KIF6: variants seen among roughly 807,000 people sequenced by gnomAD.
KIF6 encodes kinesin-like protein KIF6.
KIF6 carries 106 observed loss-of-function variants against 112.7 expected under a neutral mutation model. The ratio of observed to expected loss-of-function variants is 0.94; its 90% confidence interval spans 0.80 to 1.11. The LOEUF (loss-of-function observed/expected upper bound fraction) is 1.11. KIF6 is among the 50% of genes least tolerant of loss of function. The pLI is 0.00. For synonymous variants in KIF6, 339 were observed against 339.9 expected, an observed-to-expected ratio of 1.00 and a Z score of 0.03; for missense variants, 929 against 964.0, an observed-to-expected ratio of 0.96 and a Z score of 0.48.
Position 39,343,244 on chromosome 6 carries a change from C to T in KIF6, c.2428+465G>A. 1.6e-6 allele frequency: 2 copies of T among 1,265,302 alleles called. No individual in the cohort carries two copies. Among genetic ancestry groups the T allele is most frequent in the Non-Finnish European group, 2.0e-6 (2 of 978,760 alleles). The allele number at this position is 1,265,302 out of a possible 1,614,324, so 78.4% of individuals were successfully genotyped here. A position where few individuals can be genotyped will look rare whatever the true frequency, so the allele number is the denominator to read the frequency against. ...ACTTCCTCTGTGATTGTTATGGTGTCCTCGGGCCTGGGCCTTCAAGCAGTG... is the reference window on the plus strand; with the variant it reads ...ACTTCCTCTGTGATTGTTATGGTGTTCTCGGGCCTGGGCCTTCAAGCAGTG... On this transcript the variant is annotated intron_variant, in intron 22 of 22. Coordinates refer to ENST00000287152, the MANE Select transcript of KIF6 (RefSeq NM_145027.6). This position sits in a 1 kb window ranked among gnomAD's most constrained non-coding sequence, Gnocchi z 4.1.
At chr6:39,596,323 G>T (rs1582230280) in intron 6 of KIF6, 63 bp from the exon 7 acceptor site, 3 of 1,130,994 alleles carry the variant, frequency 2.7e-6, no homozygotes, top group Non-Finnish European at 4.0e-6. Flanking sequence ...AATATCAAAA[G>T]ATTTAAAATA....
chr6:39,689,212 A>T, intron 3 of KIF6, among the ~76,000 whole-genome samples: 1 of 152,344 alleles, frequency 6.6e-6, no homozygotes, highest in Middle Eastern at 3.4e-3. Context: ...TGATTTAAAA[A>T]TGCAAAATGC....
chr6:39,346,135 C>G (rs188515858), intron 20 of KIF6, among the ~76,000 whole-genome samples: 4,312 of 107,394 alleles, frequency 0.04, 92 homozygotes, highest in South Asian at 0.068. Flanking sequence ...CCCTCTCCCT[C>G]TCTCTCTCTC....
At chr6:39,545,739 A>C in intron 10 of KIF6, 51 bp from the exon 11 acceptor site, 1 of 1,129,462 alleles carries the variant, frequency 8.9e-7, no homozygotes. Flanking sequence ...AGCTTTAAAA[A>C]TTCTAATGGC....
intron 5 of KIF6, among the ~76,000 whole-genome samples, chr6:39,618,141 G>A (rs1783627413): frequency 6.6e-6 from 1 of 152,086 alleles, no homozygotes; most frequent in Admixed American, 6.6e-5. Flanking sequence ...TATGTTTCTT[G>A]GGAAAGATTC....
chr6:39,601,671 G>A (rs1231532211), intron 6 of KIF6, among the ~76,000 whole-genome samples: 4 of 151,096 alleles, frequency 2.6e-5, no homozygotes, highest in South Asian at 2.1e-4. Context: ...TTACTATACC[G>A]GATTTGCTCC....
intron 7 of KIF6, among the ~76,000 whole-genome samples, chr6:39,587,363 T>C (rs1006639389): frequency 6.6e-6 from 1 of 152,160 alleles, no homozygotes; most frequent in Non-Finnish European, 1.5e-5. Context: ...GTGATTTCCA[T>C]CACCAGAACC....
rs56952665 is a variant in KIF6 at position 39,523,645 on chromosome 6, CATATATATATATATATATATATAT to C, written c.1645+16334_1645+16357del. On this transcript the variant is annotated intron_variant, in intron 13 of 22. Transcript: ENST00000287152. ...TACTTCCCTCCCCTATTAATTCTGC[CATATATATATATATATATATATAT>C]ATATATATATATATATATATATATA... Among the ~76,000 whole-genome samples the C allele has an allele frequency of 8.3e-3, 270 of 32,528 alleles. 1 individual carries two copies. The highest frequency in any genetic ancestry group is 0.023 in the Middle Eastern group (1 of 44). 21.3% of individuals were successfully genotyped at this position (32,528 alleles called of 152,430 possible).
Position 39,596,156 on chromosome 6 carries a change from C to A in KIF6, c.744G>T (p.Leu248=). Residue 248 remains leucine, a synonymous_variant, in exon 7 of 23, where the codon CTG becomes CTT. Transcript: ENST00000287152. The part of the protein sequence containing the change: ...SATVRHAKLH[L]VDLAGSERVA... ...CTCGCTCTGAACCAGCCAGGTCAAC[C>A]AGATGGAGTTTGGCATGTCGTACAG... 1 of 1,614,032 alleles carries A rather than the reference C, an allele frequency of 6.2e-7. No individual in the cohort carries two copies. The highest frequency in any genetic ancestry group is 8.5e-7 in the Non-Finnish European group (1 of 1,179,984).
At chr6:39,679,974 T>C (rs1787416729) in intron 3 of KIF6, among the ~76,000 whole-genome samples, 1 of 151,428 alleles carries the variant, frequency 6.6e-6, no homozygotes, top group Non-Finnish European at 1.5e-5. Context: ...ATCTTAAAAG[T>C]TCTGGCATCT....
At chr6:39,704,985 T>C (rs1274910112) in intron 3 of KIF6, among the ~76,000 whole-genome samples, 1 of 152,262 alleles carries the variant, frequency 6.6e-6, no homozygotes, top group African/African-American at 2.4e-5. Flanking sequence ...GATAAGGTGC[T>C]TTAATTTATT....
chr6:39,369,310 AG>A (rs1308072963), intron 16 of KIF6, among the ~76,000 whole-genome samples: 1 of 152,086 alleles, frequency 6.6e-6, no homozygotes, highest in Non-Finnish European at 1.5e-5. Context: ...CCCAGATTTA[AG>A]GGTGTGCTGA....
rs182722901 is a variant in KIF6, at chr6:39,596,370, C to T, written c.640-110G>A. Reference sequence around the variant, plus strand: ...GATAAGACATTTCCCATGAAGCCAACTGTCAACTGGAGCAAAACCACTTGT... The same window carrying T: ...GATAAGACATTTCCCATGAAGCCAATTGTCAACTGGAGCAAAACCACTTGT... On this transcript the variant is annotated intron_variant, in intron 6 of 22. Transcript: ENST00000287152. The T allele has an allele frequency of 3.9e-6, 3 of 777,960 alleles. No homozygotes were observed. The Admixed American group carries it at 7.0e-5, about 18-fold the overall frequency. 48.2% of individuals were successfully genotyped at this position (777,960 alleles called of 1,614,324 possible).
chr6:39,703,023 A>G (rs1788957902), intron 3 of KIF6, among the ~76,000 whole-genome samples: 1 of 129,758 alleles, frequency 7.7e-6, no homozygotes, highest in Admixed American at 8.2e-5. Context: ...TCATTTCCCA[A>G]CTCCACCCCA....
chr6:39,602,816 C>G (rs1782651155), intron 6 of KIF6, among the ~76,000 whole-genome samples: 1 of 152,148 alleles, frequency 6.6e-6, no homozygotes, highest in Non-Finnish European at 1.5e-5. Flanking sequence ...TCTAGAATGT[C>G]CTCTAGCTTA....
At chr6:39,409,780 C>G (rs942047216) in intron 15 of KIF6, among the ~76,000 whole-genome samples, 13 of 152,144 alleles carry the variant, frequency 8.5e-5, no homozygotes, top group African/African-American at 2.9e-4. Flanking sequence ...TTTGGAGGCT[C>G]TCAGTGGATT....
chr6:39,584,020 T>A (rs1781457201), intron 9 of KIF6, among the ~76,000 whole-genome samples: 1 of 152,082 alleles, frequency 6.6e-6, no homozygotes, highest in Non-Finnish European at 1.5e-5. Flanking sequence ...ATCAAGCCAA[T>A]AATGAATTTT....
rs1030218562 is a variant in KIF6, at chr6:39,449,007, A to C, written c.1646-17846T>G. ...TCTTCCATGATTCTTCAACCCCCAC[A>C]TGCCATCAGCTCTAGCGGCAACTCC... On this transcript the variant is annotated intron_variant, in intron 13 of 22. Transcript: ENST00000287152. 5.3e-5 allele frequency among the ~76,000 whole-genome samples: 8 copies of C among 152,266 alleles called. No homozygotes were observed. In the East Asian group the frequency reaches 1.5e-3, roughly 29 times the overall value.
chr6:39,362,503 A>G lies in KIF6; in HGVS notation c.1877T>C (p.Met626Thr). The G allele has an allele frequency of 6.2e-7, 1 of 1,613,808 alleles. No homozygotes were observed. Among genetic ancestry groups the G allele is most frequent in the Non-Finnish European group, 8.5e-7 (1 of 1,179,698 alleles). Residue 626 changes from methionine (M) to threonine (T), a missense_variant, in exon 17 of 23, where the codon ATG becomes ACG. Transcript: ENST00000287152. ...QQVALGISEN[M>T]AVPLMPDQQE... ...CTGGTCTGGCATCAGAGGCACGGCC[A>G]TGTTTTCCGAGATTCCTGTAGAAGG... is the stretch of plus-strand genomic sequence containing the variant.
Sources: gnomAD v4.1 joint callset for allele counts (sites outside exome capture counted in the v4.1 genomes callset) on GRCh38, gnomAD v4.1.1 for gene constraint, Gnocchi (gnomAD v3.1) non-coding constraint, MANE v1.5 for transcripts, NCBI Gene and HGNC (gene_info 2026-07-23, HGNC 2026-07-21) for gene names.